The following TIAM2 variants were observed in gnomAD, a reference collection of about 807,000 sequenced individuals.
TIAM2 encodes the protein TIAM Rac1 associated GEF 2.
In TIAM2, 80 loss-of-function variants were observed where a neutral mutation model predicts 152.9. The observed-to-expected ratio is 0.52, with a 90% confidence interval of 0.44 to 0.63. The LOEUF (loss-of-function observed/expected upper bound fraction) is 0.63. TIAM2 is among the 30% of genes least tolerant of loss of function. The probability of loss-of-function intolerance (pLI) is 0.00; values close to 1 mark genes in which losing one functional copy is unlikely to be tolerated. For synonymous variants in TIAM2, 804 were observed against 838.0 expected (o/e 0.96, Z 0.70); for missense variants, 1,965 against 2,120.1 (o/e 0.93, Z 1.44).
chr6:154,996,633 T>C (rs1329110399), intron 1 of TIAM2, among the ~76,000 whole-genome samples: 1 of 152,212 alleles, frequency 6.6e-6, no homozygotes, highest in African/African-American at 2.4e-5. Flanking sequence ...CAGGTGCGGA[T>C]CATATGCTAT....
chr6:155,111,531 A>G (rs1778850783), intron 2 of TIAM2, among the ~76,000 whole-genome samples: 1 of 152,200 alleles, frequency 6.6e-6, no homozygotes, highest in Admixed American at 6.5e-5. Flanking sequence ...GCAGGTAATG[A>G]AGGAGTTTCT....
intron 1 of TIAM2, among the ~76,000 whole-genome samples, chr6:155,039,649 G>C (rs891006143): frequency 1.3e-5 from 2 of 149,918 alleles, no homozygotes; most frequent in East Asian, 4.0e-4. Context: ...GGTGGTTGGT[G>C]GGGGGGCTCT....
chr6:155,191,517 C>T (rs977193780), intron 14 of TIAM2, among the ~76,000 whole-genome samples: 2 of 152,084 alleles, frequency 1.3e-5, no homozygotes, highest in South Asian at 2.1e-4. Context: ...ATTGGCTGGG[C>T]GCGGTGGCTC....
Position 155,174,505 on chromosome 6 carries a change from G to T in TIAM2, c.2362-2311G>T, listed in dbSNP as rs958950839. ...CCTGCCTCAGCCTCCTGAGTAGCTG[G>T]GGCTACAGACGCGTGCCACCATGCC... On this transcript the variant is annotated intron_variant, in intron 9 of 26. Transcript: ENST00000682666. This position sits in a 1 kb window ranked among gnomAD's most constrained non-coding sequence, Gnocchi z 4.2. 3.9e-5 allele frequency among the ~76,000 whole-genome samples: 6 copies of T among 152,068 alleles called. No homozygotes were observed.
chr6:155,023,640 C>A (rs1260846995), intron 1 of TIAM2, among the ~76,000 whole-genome samples: 2 of 152,092 alleles, frequency 1.3e-5, no homozygotes, highest in Non-Finnish European at 2.9e-5. Flanking sequence ...ACCCATTATC[C>A]TCTGGAGGTC....
intron 15 of TIAM2, among the ~76,000 whole-genome samples, chr6:155,221,742 C>G (rs190934874): frequency 6.6e-6 from 1 of 152,258 alleles, no homozygotes; most frequent in African/African-American, 2.4e-5. Flanking sequence ...TGTCCTCTTT[C>G]TTCCATCTTC....
chr6:155,178,464 G>A (rs897855385), intron 10 of TIAM2, among the ~76,000 whole-genome samples: 1 of 152,114 alleles, frequency 6.6e-6, no homozygotes, highest in Non-Finnish European at 1.5e-5. Flanking sequence ...ATGTTCTACC[G>A]TAATCTCTTA....
intron 9 of TIAM2, among the ~76,000 whole-genome samples, chr6:155,176,267 T>C (rs1780755415): frequency 6.6e-6 from 1 of 152,204 alleles, no homozygotes; most frequent in Admixed American, 6.5e-5. Flanking sequence ...AGACTCTTAC[T>C]CTGTTGCCCA....
At chr6:155,224,899 C>T (rs764810661) in intron 15 of TIAM2, among the ~76,000 whole-genome samples, 18 of 152,208 alleles carry the variant, frequency 1.2e-4, no homozygotes, top group African/African-American at 4.3e-4. Context: ...CTGGAGGAGT[C>T]CTGCCATCTT....
chr6:155,226,870 A>C (rs1336642638), intron 15 of TIAM2, among the ~76,000 whole-genome samples: 1 of 152,168 alleles, frequency 6.6e-6, no homozygotes, highest in African/African-American at 2.4e-5. Context: ...GGAGAAGAAT[A>C]ATCCAGGGCA....
In TIAM2 at chr6:155,127,517, C is replaced by T. The variant is rs1779323858; in HGVS notation, c.-90C>T. 6.6e-6 allele frequency: 3 copies of T among 453,960 alleles called. No homozygotes were observed. Among genetic ancestry groups the T allele is most frequent in the Middle Eastern group, 3.3e-4 (1 of 3,066 alleles). The allele number at this position is 453,960 out of a possible 1,614,324, so 28.1% of individuals were successfully genotyped here. A position where few individuals can be genotyped will look rare whatever the true frequency, so the allele number is the denominator to read the frequency against. ...TCACTTCATGGACTCACTTTGCGTG[C>T]TTGTTAAATGTGCTGTGTTGCTCCC... On this transcript the variant is annotated 5_prime_UTR_variant, in exon 3 of 27. Coordinates refer to ENST00000682666, the MANE Select transcript of TIAM2 (RefSeq NM_012454.4).
rs1476469925 is a variant in TIAM2, at chr6:155,257,049, C to G, written c.5034C>G (p.Phe1678Leu). ...TAAATTCTGTTCTAGAGCGAGAATT[C>G]AGTGTCCAGAGTTTAACATCTGTTG... The part of the protein sequence containing the change: ...IDLNSVLERE[F>L]SVQSLTSVVS... Residue 1678 changes from phenylalanine (F) to leucine (L), a missense_variant, in exon 27 of 27, where the codon TTC becomes TTG. Phe to Leu is a conservative substitution (Grantham distance 22). Transcript: ENST00000682666. The G allele has an allele frequency of 1.9e-6, 3 of 1,614,042 alleles. No homozygotes were observed. Among genetic ancestry groups the G allele is most frequent in the Non-Finnish European group, 1.7e-6 (2 of 1,180,032 alleles).
At chr6:155,250,577 C>T (rs1340795102) in intron 21 of TIAM2, 3 of 1,535,968 alleles carry the variant, frequency 2.0e-6, no homozygotes, top group East Asian at 2.4e-5. Flanking sequence ...TGTACTAGAT[C>T]CCAGGGGAAA....
chr6:155,062,135 A>G (rs1400632948), intron 1 of TIAM2, among the ~76,000 whole-genome samples: 10 of 131,796 alleles, frequency 7.6e-5, no homozygotes. Context: ...AAGGGATTGA[A>G]GATTTATCTG....
At chr6:155,119,689 G>T (rs1181407329) in intron 2 of TIAM2, among the ~76,000 whole-genome samples, 1 of 152,146 alleles carries the variant, frequency 6.6e-6, no homozygotes, top group African/African-American at 2.4e-5. Context: ...GGCTCTCCTT[G>T]GATTTTCTTA....
intron 9 of TIAM2, among the ~76,000 whole-genome samples, chr6:155,172,230 C>T (rs1056539632): frequency 3.9e-5 from 6 of 152,166 alleles, no homozygotes; most frequent in Non-Finnish European, 7.4e-5. Flanking sequence ...GTTCCCGTGT[C>T]GTGATGGCCA....
At chr6:155,075,879 C>A (rs1486553510) in intron 1 of TIAM2, among the ~76,000 whole-genome samples, 1 of 152,066 alleles carries the variant, frequency 6.6e-6, no homozygotes, top group Non-Finnish European at 1.5e-5. Context: ...CGTATGATTA[C>A]CAAAAAGTGA....
chr6:155,087,770 AAAAT>A (rs1778204914), intron 1 of TIAM2, among the ~76,000 whole-genome samples: 1 of 152,178 alleles, frequency 6.6e-6, no homozygotes, highest in Non-Finnish European at 1.5e-5. Flanking sequence ...TAAATAAAAT[AAAAT>A]AAATAAAAAA....
intron 2 of TIAM2, among the ~76,000 whole-genome samples, chr6:155,110,332 T>TTG (rs1244132833): frequency 2.2e-5 from 3 of 137,466 alleles, no homozygotes; most frequent in African/African-American, 2.7e-5. Context: ...TTTTTTTTGT[T>TTG]GTTCTTTCTT....
Sources: allele counts gnomAD v4.1 joint callset (sites outside exome capture counted in the v4.1 genomes callset), GRCh38; gene constraint gnomAD v4.1.1; non-coding constraint Gnocchi (gnomAD v3.1); transcripts MANE v1.5; gene names NCBI Gene and HGNC (gene_info 2026-07-23, HGNC 2026-07-21).